MMD2: variants seen among roughly 807,000 people sequenced by gnomAD.
The protein encoded by MMD2 is monocyte to macrophage differentiation associated 2.
MMD2 carries 30 observed loss-of-function variants against 33.5 expected under a neutral mutation model. That is an observed-to-expected ratio of 0.90 (90% CI 0.67 to 1.22). MMD2 has a LOEUF of 1.22. Ranked by LOEUF, MMD2 falls within the 50% of genes most tolerant of loss-of-function variation. The probability of loss-of-function intolerance (pLI) is 0.00; values close to 1 mark genes in which losing one functional copy is unlikely to be tolerated. For missense variants in MMD2, 364 were observed against 325.4 expected (o/e 1.12, Z -0.91); for synonymous variants, 129 against 123.0 (o/e 1.05, Z -0.32).
At chr7:4,949,454 C>G (rs1786179514) in intron 1 of MMD2, among the ~76,000 whole-genome samples, 3 of 151,710 alleles carry the variant, frequency 2.0e-5, no homozygotes, top group Admixed American at 2.0e-4. Flanking sequence ...CTGTGCCTGG[C>G]TTATTTCACT....
rs1165504272 is a variant in MMD2 at position 4,938,002 on chromosome 7, C to CTTTTTT, written c.48-12476_48-12471dup. On this transcript the variant is annotated intron_variant, in intron 1 of 6. Transcript: ENST00000401401. ...TTTTTTTTTCTTTTTTTCTTTCTTT[C>CTTTTTT]TTTTTTTTTTTTTTTTTTTTTTTTT... is the stretch of plus-strand genomic sequence containing the variant. Among the ~76,000 whole-genome samples the CTTTTTT allele has an allele frequency of 2.1e-3, 98 of 45,654 alleles. 2 individuals are homozygous for CTTTTTT. Among genetic ancestry groups the CTTTTTT allele is most frequent in the Non-Finnish European group, 2.6e-3 (75 of 28,316 alleles). 30.0% of individuals were successfully genotyped at this position (45,654 alleles called of 152,430 possible).
intron 1 of MMD2, among the ~76,000 whole-genome samples, chr7:4,952,682 G>T (rs535587102): frequency 6.0e-5 from 8 of 134,226 alleles, no homozygotes; most frequent in Admixed American, 2.5e-4. Context: ...TGCGTGCTCC[G>T]TATGAGATTT....
chr7:4,911,809 C>T (rs1028443193), intron 4 of MMD2, among the ~76,000 whole-genome samples: 2 of 151,948 alleles, frequency 1.3e-5, no homozygotes, highest in South Asian at 2.1e-4. Context: ...CCACCATGCC[C>T]GGCTAATTTT....
chr7:4,932,544 C>T (rs1785618456), intron 1 of MMD2, among the ~76,000 whole-genome samples: 1 of 151,966 alleles, frequency 6.6e-6, no homozygotes, highest in Non-Finnish European at 1.5e-5. Context: ...AGAATTCTCT[C>T]CTGCCCCCTC....
At position 4,925,484 on chromosome 7, in the gene MMD2, C is replaced by T. The variant is rs781727335; in HGVS notation, c.96G>A (p.Glu32=). ...TGGCACAGTTGGCCGCATGTTCATA[C>T]TCTGTGGGCTGGTACCTCTTGTGGG... ...VPAHKRYQPT[E]YEHAANCATH... is the part of the protein sequence containing the mutation. Residue 32 remains glutamate (E), a synonymous_variant, in exon 2 of 7, where the codon GAG becomes GAA. Transcript: ENST00000401401. 7 of 1,579,756 alleles carry T rather than the reference C, an allele frequency of 4.4e-6. No individual in the cohort carries two copies. In the South Asian group the frequency reaches 6.9e-5, roughly 16 times the overall value.
intron 1 of MMD2, among the ~76,000 whole-genome samples, chr7:4,939,742 CTTT>C (rs71032999): frequency 1.4e-5 from 2 of 141,878 alleles, no homozygotes; most frequent in East Asian, 2.2e-4. Flanking sequence ...TTCTTTCTTT[CTTT>C]TTTTTTTTTT....
At chr7:4,957,114 T>G (rs1340163745) in intron 1 of MMD2, among the ~76,000 whole-genome samples, 1 of 148,160 alleles carries the variant, frequency 6.7e-6, no homozygotes, top group Non-Finnish European at 1.5e-5. Context: ...TGCAGTGAGC[T>G]GAGATCACGC....
At chr7:4,923,719 CAT>C (rs1362285014) in intron 2 of MMD2, among the ~76,000 whole-genome samples, 1 of 152,146 alleles carries the variant, frequency 6.6e-6, no homozygotes, top group Non-Finnish European at 1.5e-5. Flanking sequence ...AAGAGGGAAT[CAT>C]GTGTTCATTC....
rs1784877896 is a variant in MMD2 at position 4,906,883 on chromosome 7, C to T, written c.*513G>A. ...ATTCTGACATCACCCATGTGCTGCA[C>T]TTGATTGGTGATGTCTGCCATGGTC... On this transcript the variant is annotated 3_prime_UTR_variant, in exon 7 of 7. Transcript: ENST00000401401. The T allele has an allele frequency of 3.8e-6, 1 of 260,968 alleles. No individual in the cohort carries two copies. The highest frequency in any genetic ancestry group is 4.8e-5 in the Admixed American group (1 of 20,772). The allele number at this position is 260,968 out of a possible 1,614,324, so 16.2% of individuals were successfully genotyped here.
chr7:4,910,537 T>C (rs1784978630), intron 5 of MMD2, among the ~76,000 whole-genome samples: 1 of 152,074 alleles, frequency 6.6e-6, no homozygotes, highest in Non-Finnish European at 1.5e-5. Flanking sequence ...CTCCCCTTCA[T>C]CTGCTAATAA....
intron 2 of MMD2, among the ~76,000 whole-genome samples, chr7:4,920,910 G>A (rs1319493949): frequency 6.6e-6 from 1 of 151,988 alleles, no homozygotes; most frequent in Non-Finnish European, 1.5e-5. Flanking sequence ...TAGAGGTGGG[G>A]TCTGGCTATA....
chr7:4,924,115 C>A (rs1316345979), intron 2 of MMD2, among the ~76,000 whole-genome samples: 1 of 152,154 alleles, frequency 6.6e-6, no homozygotes, highest in Non-Finnish European at 1.5e-5. Flanking sequence ...TGGCATGAAC[C>A]CAGGAGGCAG....
rs1468031921 is a variant in MMD2, at chr7:4,939,822, C to A, written c.48-14290G>T. 5.3e-5 allele frequency among the ~76,000 whole-genome samples: 8 copies of A among 151,676 alleles called. 1 individual carries two copies. The East Asian group carries it at 1.6e-3, about 30-fold the overall frequency. ...GTGGCACAATCTCGGCTCACTGCAA[C>A]CTCTGCCTTCCAGGTTCAAGCAATC... On this transcript the variant is annotated intron_variant, in intron 1 of 6. Coordinates refer to ENST00000401401, the MANE Select transcript of MMD2 (RefSeq NM_198403.4).
intron 3 of MMD2, among the ~76,000 whole-genome samples, chr7:4,916,349 G>C (rs1785142543): frequency 7.0e-6 from 1 of 143,426 alleles, no homozygotes; most frequent in South Asian, 2.3e-4. Flanking sequence ...CTACAGGTAA[G>C]GATTGAACAT....
intron 4 of MMD2, among the ~76,000 whole-genome samples, chr7:4,912,887 A>C (rs1269491949): frequency 2.6e-5 from 4 of 152,032 alleles, no homozygotes; most frequent in Non-Finnish European, 5.9e-5. Context: ...TATTTGTAGT[A>C]GAGATGGGGT....
intron 5 of MMD2, among the ~76,000 whole-genome samples, chr7:4,910,222 T>C (rs898380645): frequency 6.6e-6 from 1 of 152,100 alleles, no homozygotes; most frequent in Non-Finnish European, 1.5e-5. Context: ...ATTACAAACA[T>C]TGGGCATAGC....
intron 1 of MMD2, among the ~76,000 whole-genome samples, chr7:4,950,502 C>T (rs1307409221): frequency 6.6e-6 from 1 of 152,118 alleles, no homozygotes; most frequent in Non-Finnish European, 1.5e-5. Context: ...TTCTTCATTC[C>T]CTACCCACCC....
At chr7:4,944,810 T>C (rs866838469) in intron 1 of MMD2, among the ~76,000 whole-genome samples, 7 of 131,288 alleles carry the variant, frequency 5.3e-5, no homozygotes, top group Admixed American at 8.2e-5. Context: ...CTTTGTCGCC[T>C]AGGCTGGAGT....
At chr7:4,903,661 GC>G (rs1435087103), downstream of MMD2, among the ~76,000 whole-genome samples, 1 of 152,216 alleles carries the variant, frequency 6.6e-6, no homozygotes, top group Admixed American at 6.5e-5. Context: ...TGTTGCTGGG[GC>G]CACTGATTCA....
Sources: allele counts gnomAD v4.1 joint callset (sites outside exome capture counted in the v4.1 genomes callset), GRCh38; gene constraint gnomAD v4.1.1; transcripts MANE v1.5; gene names NCBI Gene and HGNC (gene_info 2026-07-23, HGNC 2026-07-21).